Variants in GLIS3 observed in about 807,000 individuals in gnomAD.
GLIS3 encodes zinc finger protein GLIS3.
Under a neutral mutation model 78.6 loss-of-function variants are expected in GLIS3, and 53 were observed. The ratio of observed to expected loss-of-function variants is 0.67; its 90% CI spans 0.54 to 0.85. The LOEUF is 0.85. Among genes scored for constraint, GLIS3 ranks in the 40% least tolerant of loss-of-function variants. The pLI is 0.00. For synonymous variants in GLIS3, 684 were observed against 509.9 expected, an observed-to-expected ratio of 1.34 and a Z score of -4.60; for missense variants, 1,703 against 1,231.1, an observed-to-expected ratio of 1.38 and a Z score of -5.74.
At chr9:3,874,226 C>T (rs781391694) in intron 8 of GLIS3, among the ~76,000 whole-genome samples, 11 of 152,134 alleles carry the variant, frequency 7.2e-5, no homozygotes, top group East Asian at 5.8e-4. Flanking sequence ...AACTGATTAC[C>T]GATGGCCAAT....
chr9:4,430,937 G>T, the GLIS3 span, among the ~76,000 whole-genome samples: 2 of 148,166 alleles, frequency 1.3e-5, no homozygotes, highest in East Asian at 3.8e-4. Flanking sequence ...GAGAGAAGCT[G>T]TGAGAAGTGA....
chr9:4,327,074 T>C (rs945138376), intron 2 of GLIS3, among the ~76,000 whole-genome samples: 2 of 152,234 alleles, frequency 1.3e-5, no homozygotes. Context: ...GGTTACAATG[T>C]GATCTGTGTT....
rs551316089 is a variant in GLIS3, at chr9:4,239,567, T to A, written c.388+46471A>T. The stretch of plus-strand genomic sequence containing the variant: ...GTCATTGAGATCTTGGTATCAAGGT[T>A]GAGAACCACCATACTGATGTGCTCT... On this transcript the variant is annotated intron_variant, in intron 2 of 10. Coordinates refer to ENST00000381971, the MANE Select transcript of GLIS3 (RefSeq NM_001042413.2). Among the ~76,000 whole-genome samples, 7 of 152,322 alleles carry A rather than the reference T, an allele frequency of 4.6e-5. No homozygotes were observed. In the South Asian group the frequency reaches 1.5e-3, roughly 32 times the overall value.
At chr9:3,952,496 T>G (rs1477422713) in intron 4 of GLIS3, among the ~76,000 whole-genome samples, 1 of 152,158 alleles carries the variant, frequency 6.6e-6, no homozygotes, top group Non-Finnish European at 1.5e-5. Flanking sequence ...CAAATTTCAG[T>G]AGCCATCTGC....
intron 4 of GLIS3, among the ~76,000 whole-genome samples, chr9:4,017,269 C>A (rs546342530): frequency 2.6e-5 from 4 of 152,112 alleles, no homozygotes; most frequent in Non-Finnish European, 4.4e-5. Flanking sequence ...TATAATTAGT[C>A]AGAGTGGTTT....
chr9:3,867,833 A>G (rs1820699379), intron 8 of GLIS3, among the ~76,000 whole-genome samples: 1 of 151,958 alleles, frequency 6.6e-6, no homozygotes, highest in African/African-American at 2.4e-5. Flanking sequence ...CTTAATCTTG[A>G]ATATCTGTGG....
intron 2 of GLIS3, among the ~76,000 whole-genome samples, chr9:4,131,740 C>G (rs1014510777): frequency 6.6e-6 from 1 of 152,086 alleles, no homozygotes; most frequent in Non-Finnish European, 1.5e-5. Context: ...TCAAGTATTT[C>G]TTTACAGCAA....
intron 2 of GLIS3, among the ~76,000 whole-genome samples, chr9:4,285,062 T>C (rs1827869322): frequency 6.6e-6 from 1 of 152,244 alleles, no homozygotes; most frequent in African/African-American, 2.4e-5. Context: ...GAAATCATTA[T>C]TCACCTTAAT....
At chr9:4,330,585 G>T (rs1486243245) in intron 2 of GLIS3, among the ~76,000 whole-genome samples, 1 of 150,196 alleles carries the variant, frequency 6.7e-6, no homozygotes, top group Non-Finnish European at 1.5e-5. Context: ...AGGTGGAGGT[G>T]AAGGTTGGAT....
chr9:4,291,596 AAAGG>A (rs1815984514), intron 1 of GLIS3, among the ~76,000 whole-genome samples: 1 of 152,122 alleles, frequency 6.6e-6, no homozygotes, highest in Non-Finnish European at 1.5e-5. Context: ...CAGAAGAAAG[AAAGG>A]AGAGAAAAGG....
At chr9:4,063,701 A>G (rs2130580860) in intron 4 of GLIS3, among the ~76,000 whole-genome samples, 1 of 152,358 alleles carries the variant, frequency 6.6e-6, no homozygotes, top group Middle Eastern at 3.4e-3. Flanking sequence ...TGAGACAAAT[A>G]TTAGAAAGGA....
At chr9:4,120,458 T>A (rs759387508) in intron 3 of GLIS3, among the ~76,000 whole-genome samples, 5 of 152,238 alleles carry the variant, frequency 3.3e-5, no homozygotes, top group Non-Finnish European at 7.3e-5. Context: ...ACAGTGGTTC[T>A]GGAACCATCT....
intron 4 of GLIS3, among the ~76,000 whole-genome samples, chr9:4,090,191 C>T (rs201899527): frequency 1.3e-5 from 2 of 152,170 alleles, no homozygotes; most frequent in East Asian, 3.9e-4. Flanking sequence ...CCCTTCCCTT[C>T]TACACAGGCC....
intron 2 of GLIS3, among the ~76,000 whole-genome samples, chr9:4,209,950 C>G (rs1278306015): frequency 1.3e-5 from 2 of 152,192 alleles, no homozygotes; most frequent in Non-Finnish European, 2.9e-5. Flanking sequence ...ATCCCATCCC[C>G]TCATCCGTAA....
intron 2 of GLIS3, among the ~76,000 whole-genome samples, chr9:4,163,847 T>C (rs1018805770): frequency 7.2e-5 from 11 of 152,188 alleles, no homozygotes; most frequent in African/African-American, 2.4e-4. Flanking sequence ...TACACTATTA[T>C]TACTGTTAAT....
intron 8 of GLIS3, among the ~76,000 whole-genome samples, chr9:3,876,730 C>T (rs539539190): frequency 1.6e-5 from 2 of 124,180 alleles, no homozygotes; most frequent in African/African-American, 6.1e-5. Context: ...AAAATATTGA[C>T]AATGGGTGAA....
intron 2 of GLIS3, among the ~76,000 whole-genome samples, chr9:4,172,466 A>G (rs1025203994): frequency 6.6e-6 from 1 of 152,220 alleles, no homozygotes; most frequent in Non-Finnish European, 1.5e-5. Context: ...ATCTGAGATT[A>G]TTCCAAATCC....
the GLIS3 span, among the ~76,000 whole-genome samples, chr9:4,445,714 C>A: frequency 2.0e-5 from 3 of 152,278 alleles, no homozygotes; most frequent in Admixed American, 6.5e-5. Flanking sequence ...GACCAAACGA[C>A]CTACTCATGG....
At chr9:4,021,676 C>A (rs1315185063) in intron 4 of GLIS3, among the ~76,000 whole-genome samples, 1 of 152,138 alleles carries the variant, frequency 6.6e-6, no homozygotes, top group South Asian at 2.1e-4. Context: ...TTACTGCCAC[C>A]GTTCCTCCTG....
Sources: gnomAD v4.1 joint callset for allele counts (sites outside exome capture counted in the v4.1 genomes callset) on GRCh38, gnomAD v4.1.1 for gene constraint, MANE v1.5 for transcripts, NCBI Gene and HGNC (gene_info 2026-07-23, HGNC 2026-07-21) for gene names.